Variants in PDE10A observed in about 807,000 individuals in gnomAD.
The protein encoded by PDE10A is phosphodiesterase 10A.
A neutral mutation model predicts 97.7 loss-of-function variants in PDE10A; 39 were observed. That is an observed-to-expected ratio of 0.40 (90% CI 0.31 to 0.52). The LOEUF is 0.52. Ranked by LOEUF, PDE10A falls within the 20% of genes least tolerant of loss-of-function variation. The probability of loss-of-function intolerance (pLI) is 0.56; values close to 1 mark genes in which losing one functional copy is unlikely to be tolerated. For missense variants in PDE10A, 731 were observed against 1,047.8 expected, an observed-to-expected ratio of 0.70 and a Z score of 4.17; for synonymous variants, 371 against 376.8, an observed-to-expected ratio of 0.98 and a Z score of 0.18.
intron 1 of PDE10A, among the ~76,000 whole-genome samples, chr6:165,743,567 T>A (rs1459181816): frequency 6.6e-6 from 1 of 152,208 alleles, no homozygotes; most frequent in Non-Finnish European, 1.5e-5. Context: ...TGTTTGGGCC[T>A]CAGTTTCTCA....
At chr6:165,826,291 C>T (rs957262159) in intron 1 of PDE10A, among the ~76,000 whole-genome samples, 1 of 91,186 alleles carries the variant, frequency 1.1e-5, no homozygotes. Context: ...TCCCTCTGTC[C>T]CCATGTCCGT....
intron 2 of PDE10A, among the ~76,000 whole-genome samples, chr6:165,509,535 C>A (rs1198186205): frequency 6.6e-6 from 1 of 151,466 alleles, no homozygotes; most frequent in African/African-American, 2.4e-5. Context: ...GGTGTTGTTC[C>A]TTTTGCTCGG....
chr6:165,851,736 A>T (rs1780578635), intron 1 of PDE10A, among the ~76,000 whole-genome samples: 1 of 152,076 alleles, frequency 6.6e-6, no homozygotes, highest in Admixed American at 6.6e-5. Context: ...AAGTGAACAA[A>T]AGCCTTGGGT....
chr6:165,583,665 A>G (rs1785740333), intron 1 of PDE10A, among the ~76,000 whole-genome samples: 1 of 152,132 alleles, frequency 6.6e-6, no homozygotes. Flanking sequence ...CAGAAAAGAA[A>G]AGGGGTATTT....
chr6:165,862,923 G>C (rs1583205230), intron 1 of PDE10A, among the ~76,000 whole-genome samples: 1 of 152,286 alleles, frequency 6.6e-6, no homozygotes, highest in East Asian at 1.9e-4. Context: ...CAAGTGATCT[G>C]CCCGCCTTTG....
At chr6:165,347,105 T>TA (rs768061523) in intron 18 of PDE10A, among the ~76,000 whole-genome samples, 6 of 152,080 alleles carry the variant, frequency 3.9e-5, no homozygotes, top group Non-Finnish European at 4.4e-5. Context: ...CTTTTTTTTT[T>TA]ATCTTGCTTT....
intron 3 of PDE10A, among the ~76,000 whole-genome samples, chr6:165,470,510 T>G (rs1300971572): frequency 2.0e-5 from 3 of 152,194 alleles, no homozygotes; most frequent in Non-Finnish European, 4.4e-5. Context: ...GATAAGTAAG[T>G]CAACTTTGGT....
At chr6:165,687,107 C>G (rs892742978) in intron 1 of PDE10A, among the ~76,000 whole-genome samples, 2 of 152,236 alleles carry the variant, frequency 1.3e-5, no homozygotes, top group Non-Finnish European at 2.9e-5. Flanking sequence ...TGGCTGCTTC[C>G]CATCTCCCTC....
intron 1 of PDE10A, among the ~76,000 whole-genome samples, chr6:165,622,546 G>C (rs1458400639): frequency 2.0e-5 from 3 of 152,112 alleles, no homozygotes; most frequent in African/African-American, 4.8e-5. Context: ...CTAAACATAG[G>C]AAAGCTACAG....
intron 1 of PDE10A, among the ~76,000 whole-genome samples, chr6:165,651,371 G>C (rs948901719): frequency 1.3e-5 from 2 of 152,074 alleles, no homozygotes; most frequent in Admixed American, 1.3e-4. Flanking sequence ...AGAGCTCTTT[G>C]CTTAATCATT....
intron 1 of PDE10A, among the ~76,000 whole-genome samples, chr6:165,763,321 GTGTT>G (rs1050015751): frequency 2.6e-5 from 4 of 152,064 alleles, no homozygotes; most frequent in African/African-American, 7.2e-5. Context: ...TTGAGATTCT[GTGTT>G]TGTTTGTTTG....
chr6:165,972,129 C>T (rs945486711), intron 1 of PDE10A, among the ~76,000 whole-genome samples: 1 of 152,096 alleles, frequency 6.6e-6, no homozygotes, highest in African/African-American at 2.4e-5. Context: ...TCCCCAAGCA[C>T]ATTGGAATAA....
intron 1 of PDE10A, among the ~76,000 whole-genome samples, chr6:165,703,196 T>G (rs1208441281): frequency 6.6e-6 from 1 of 152,208 alleles, no homozygotes; most frequent in Non-Finnish European, 1.5e-5. Context: ...TGTTTGTCTA[T>G]TAGTGTACCT....
chr6:165,385,584 G>T (rs1387077291), intron 17 of PDE10A, among the ~76,000 whole-genome samples: 1 of 152,216 alleles, frequency 6.6e-6, no homozygotes, highest in Non-Finnish European at 1.5e-5. Context: ...GCCTAAAACA[G>T]TTGTTGGCAA....
chr6:165,921,721 A>T (rs1473755205), intron 1 of PDE10A, among the ~76,000 whole-genome samples: 2 of 152,180 alleles, frequency 1.3e-5, no homozygotes, highest in Non-Finnish European at 2.9e-5. Context: ...TTCCAGCATG[A>T]GCATGGAAAC....
At chr6:165,334,113 A>C (rs1781496757) in intron 21 of PDE10A, among the ~76,000 whole-genome samples, 1 of 152,202 alleles carries the variant, frequency 6.6e-6, no homozygotes, top group Admixed American at 6.5e-5. Context: ...GTTTCCTTGG[A>C]CACCGATGAT....
At chr6:165,526,764 C>T (rs480268) in intron 2 of PDE10A, among the ~76,000 whole-genome samples, 105,337 of 152,154 alleles carry the variant, frequency 0.69, 39,762 homozygotes, top group Non-Finnish European at 0.83. Context: ...TATGCAGCCA[C>T]TGACTTAGCA....
intron 1 of PDE10A, among the ~76,000 whole-genome samples, chr6:165,825,218 C>T (rs377490384): frequency 4.6e-5 from 7 of 151,726 alleles, no homozygotes; most frequent in Non-Finnish European, 5.9e-5. Flanking sequence ...GGTGAGCTCC[C>T]GTTCCTGATG....
At chr6:165,354,445 A>C (rs922852569) in intron 18 of PDE10A, among the ~76,000 whole-genome samples, 4 of 152,192 alleles carry the variant, frequency 2.6e-5, no homozygotes, top group African/African-American at 9.6e-5. Context: ...TGTCCAAACA[A>C]GAAAATAAGG....
Sources: allele counts gnomAD v4.1 joint callset (sites outside exome capture counted in the v4.1 genomes callset), GRCh38; gene constraint gnomAD v4.1.1; transcripts MANE v1.5; gene names NCBI Gene and HGNC (gene_info 2026-07-23, HGNC 2026-07-21).